MEF2A: variants seen among roughly 807,000 people sequenced by gnomAD.
The protein encoded by MEF2A is myocyte enhancer factor 2A, also known as myocyte-specific enhancer factor 2A.
Under a neutral mutation model 55.8 loss-of-function variants are expected in MEF2A, and 28 were observed. That is an observed-to-expected ratio of 0.50 (90% confidence interval 0.37 to 0.69). MEF2A has a LOEUF of 0.69. Ranked by LOEUF, MEF2A falls within the 30% of genes least tolerant of loss-of-function variation. The probability of loss-of-function intolerance (pLI) is 0.00; values close to 1 mark genes in which losing one functional copy is unlikely to be tolerated. For synonymous variants in MEF2A, 239 were observed against 227.1 expected, an observed-to-expected ratio of 1.05 and a Z score of -0.47; for missense variants, 528 against 626.2, an observed-to-expected ratio of 0.84 and a Z score of 1.67.
At chr15:99,602,653 G>GGTGGGTGGGT (rs1555454714) in intron 2 of MEF2A, among the ~76,000 whole-genome samples, 1 of 44,842 alleles carries the variant, frequency 2.2e-5, no homozygotes, top group Non-Finnish European at 4.5e-5. Flanking sequence ...ACATTCCTGG[G>GGTGGGTGGGT]GTGTGTGTGT....
chr15:99,629,675 T>TGG (rs369217689), intron 2 of MEF2A, among the ~76,000 whole-genome samples: 37 of 151,956 alleles, frequency 2.4e-4, no homozygotes, highest in African/African-American at 8.5e-4. Flanking sequence ...AAGGCCGGGG[T>TGG]GGGGGTACTA....
At chr15:99,630,619 G>GA (rs1474065613) in intron 2 of MEF2A, among the ~76,000 whole-genome samples, 1 of 152,130 alleles carries the variant, frequency 6.6e-6, no homozygotes, top group Non-Finnish European at 1.5e-5. Flanking sequence ...TATGAAACGT[G>GA]AAAAAATGTG....
intron 4 of MEF2A, among the ~76,000 whole-genome samples, chr15:99,662,950 T>A (rs1375376162): frequency 6.6e-6 from 1 of 152,250 alleles, no homozygotes; most frequent in Admixed American, 6.5e-5. Flanking sequence ...ATCAGTTAAC[T>A]CCTCATGCAT....
At chr15:99,694,313 CATCAT>C (rs1189202733) in intron 8 of MEF2A, among the ~76,000 whole-genome samples, 2 of 152,194 alleles carry the variant, frequency 1.3e-5, no homozygotes, top group Non-Finnish European at 2.9e-5. Flanking sequence ...GTTTTCATCA[CATCAT>C]ATCAAGAGTG....
intron 4 of MEF2A, among the ~76,000 whole-genome samples, chr15:99,669,308 A>T (rs571208083): frequency 2.0e-5 from 3 of 152,352 alleles, no homozygotes; most frequent in African/African-American, 7.2e-5. Flanking sequence ...CAACTTTATG[A>T]TAAGATCTGT....
intron 2 of MEF2A, among the ~76,000 whole-genome samples, chr15:99,614,768 A>G (rs2039912737): frequency 2.0e-5 from 3 of 152,158 alleles, no homozygotes; most frequent in Admixed American, 2.0e-4. Context: ...AGGGCTTGGG[A>G]TAAGAGCTAC....
At chr15:99,703,670 A>G (rs189175968) in intron 9 of MEF2A, among the ~76,000 whole-genome samples, 1 of 152,310 alleles carries the variant, frequency 6.6e-6, no homozygotes, top group Admixed American at 6.5e-5. Context: ...TTTTTAAGGA[A>G]AGATACAAAA....
intron 1 of MEF2A, among the ~76,000 whole-genome samples, chr15:99,589,671 T>C: frequency 6.6e-6 from 1 of 152,134 alleles, no homozygotes; most frequent in East Asian, 1.9e-4. Flanking sequence ...CTTTACCCTA[T>C]ATAATCTAAT....
intron 3 of MEF2A, among the ~76,000 whole-genome samples, chr15:99,640,481 T>C (rs1411346933): frequency 6.6e-6 from 1 of 152,024 alleles, no homozygotes; most frequent in Non-Finnish European, 1.5e-5. Flanking sequence ...TCCTTTCCTT[T>C]TCTTTTTTTC....
chr15:99,589,378 A>G (rs1596315848), intron 1 of MEF2A, among the ~76,000 whole-genome samples: 1 of 152,158 alleles, frequency 6.6e-6, no homozygotes, highest in East Asian at 1.9e-4. Context: ...ATTTGTGGTG[A>G]TGTCCTTTCT....
intron 4 of MEF2A, among the ~76,000 whole-genome samples, chr15:99,653,728 C>T (rs2047230597): frequency 6.6e-6 from 1 of 152,186 alleles, no homozygotes; most frequent in East Asian, 1.9e-4. Context: ...ATTTTTAAGA[C>T]TTGGTAAATA....
At chr15:99,603,625 T>A (rs1443268856) in intron 2 of MEF2A, among the ~76,000 whole-genome samples, 1 of 151,112 alleles carries the variant, frequency 6.6e-6, no homozygotes, top group Non-Finnish European at 1.5e-5. Context: ...GGTCTCGAAC[T>A]GCTGACCTCA....
chr15:99,646,147 C>T (rs574445604), intron 4 of MEF2A, among the ~76,000 whole-genome samples: 1 of 152,044 alleles, frequency 6.6e-6, no homozygotes, highest in Non-Finnish European at 1.5e-5. Context: ...ACTTTAAACA[C>T]TTAAGAAAAC....
intron 4 of MEF2A, among the ~76,000 whole-genome samples, chr15:99,667,280 G>GGT (rs1331566902): frequency 6.6e-6 from 1 of 152,092 alleles, no homozygotes; most frequent in Non-Finnish European, 1.5e-5. Flanking sequence ...GGAGTGCAGT[G>GGT]GCACGATCTC....
At chr15:99,588,545 A>G (rs1268124530) in intron 1 of MEF2A, among the ~76,000 whole-genome samples, 3 of 151,788 alleles carry the variant, frequency 2.0e-5, no homozygotes, top group African/African-American at 7.3e-5. Flanking sequence ...AGCTCAGGCA[A>G]TCTGGCCATC....
chr15:99,703,259 G>C, intron 8 of MEF2A, 103 bp from the exon 9 acceptor site: 1 of 1,076,458 alleles, frequency 9.3e-7, no homozygotes, highest in Non-Finnish European at 1.4e-6. Flanking sequence ...TAGAGTTCCA[G>C]ACAGCTGCTA....
At chr15:99,619,058 A>C (rs1052705259) in intron 2 of MEF2A, among the ~76,000 whole-genome samples, 1 of 152,300 alleles carries the variant, frequency 6.6e-6, no homozygotes, top group Non-Finnish European at 1.5e-5. Flanking sequence ...TGGCATGGCT[A>C]TTGAGGATGG....
chr15:99,695,949 A>C (rs2056413774), intron 8 of MEF2A, among the ~76,000 whole-genome samples: 1 of 152,210 alleles, frequency 6.6e-6, no homozygotes, highest in Non-Finnish European at 1.5e-5. Flanking sequence ...TTACCATTGC[A>C]AACACCAAAA....
chr15:99,712,544 C>T lies in MEF2A; in HGVS notation c.1291C>T (p.Pro431Ser), dbSNP rs1169041802. 9 of 1,550,916 alleles carry T rather than the reference C, an allele frequency of 5.8e-6. No homozygotes were observed. The highest frequency in any genetic ancestry group is 2.4e-5 in the South Asian group (2 of 84,034). ...GCAGCAGCAGCAGCAGCAGCCGCCG[C>T]CACCACCGCAGCCCCAGCCACAACC... ...QQQQQQQQPPPPPQPQPQPPQ... is the reference protein window; with the variant it reads ...QQQQQQQQPPSPPQPQPQPPQ... The change falls in exon 12 of 12, where the codon CCA (proline) becomes TCA (serine). Residue 431 changes from proline (P) to serine (S), a missense_variant. This residue lies in a region of MEF2A where 450 missense variants were observed against 475.3 expected (regional missense o/e 0.95). Transcript: ENST00000557942. The surrounding 1 kb of genome is among the most constrained non-coding windows in gnomAD (Gnocchi z 4.1).
Sources: allele counts gnomAD v4.1 joint callset (sites outside exome capture counted in the v4.1 genomes callset), GRCh38; gene constraint gnomAD v4.1.1; regional missense constraint gnomAD v4.1.1; non-coding constraint Gnocchi (gnomAD v3.1); transcripts MANE v1.5; gene names NCBI Gene and HGNC (gene_info 2026-07-23, HGNC 2026-07-21).